The following SIGLEC9 variants were observed in gnomAD, a reference collection of about 807,000 sequenced individuals.
SIGLEC9 encodes the protein sialic acid binding Ig like lectin 9.
In SIGLEC9, 26 loss-of-function variants were observed where a neutral mutation model predicts 38.3. The ratio of observed to expected loss-of-function variants is 0.68; its 90% CI spans 0.50 to 0.94. The LOEUF (loss-of-function observed/expected upper bound fraction) is 0.94. SIGLEC9 is among the 40% of genes least tolerant of loss of function. The pLI, the probability that SIGLEC9 is intolerant of heterozygous loss-of-function variation, is 0.00. For missense variants in SIGLEC9, 556 were observed against 585.7 expected (o/e 0.95, Z 0.52); for synonymous variants, 236 against 248.0 (o/e 0.95, Z 0.45).
upstream of SIGLEC9, chr19:51,124,905 C>T (rs541784926): frequency 9.5e-5 from 146 of 1,541,062 alleles, no homozygotes; most frequent in African/African-American, 4.3e-4. Context: ...GTCTTGAGCC[C>T]GCAGTTCCTG....
chr19:51,135,473 C>A (rs958590449), intron 6 of SIGLEC9, among the ~76,000 whole-genome samples: 2 of 152,178 alleles, frequency 1.3e-5, no homozygotes, highest in Admixed American at 6.5e-5. Context: ...TCCCTTTGTA[C>A]ATGACCTGCC....
chr19:51,121,107 A>C (rs2091949323), upstream of SIGLEC9, among the ~76,000 whole-genome samples: 1 of 151,566 alleles, frequency 6.6e-6, no homozygotes, highest in Non-Finnish European at 1.5e-5. Context: ...GGCCTCCCAA[A>C]GTGTTGGGAT....
chr19:51,121,696 C>A (rs2091950600), upstream of SIGLEC9, among the ~76,000 whole-genome samples: 1 of 149,848 alleles, frequency 6.7e-6, no homozygotes, highest in Non-Finnish European at 1.5e-5. Flanking sequence ...AAGTGATTCT[C>A]CTGCCTCAGC....
At chr19:51,123,636 TG>T (rs1256063844), upstream of SIGLEC9, among the ~76,000 whole-genome samples, 1 of 152,020 alleles carries the variant, frequency 6.6e-6, no homozygotes, top group East Asian at 1.9e-4. Flanking sequence ...CAGGAGGAAG[TG>T]GGGTGTGGCT....
At chr19:51,124,307 G>T (rs2122830996), upstream of SIGLEC9, among the ~76,000 whole-genome samples, 1 of 152,140 alleles carries the variant, frequency 6.6e-6, no homozygotes, top group East Asian at 1.9e-4. Flanking sequence ...CCTCTGCTCA[G>T]TCCTCCTGAG....
At chr19:51,122,299 C>CG (rs1236444502), upstream of SIGLEC9, among the ~76,000 whole-genome samples, 3 of 151,894 alleles carry the variant, frequency 2.0e-5, no homozygotes, top group African/African-American at 4.8e-5. The surrounding 1 kb of genome is among the most constrained non-coding windows in gnomAD (Gnocchi z 4.1). Context: ...GAGCATGAGC[C>CG]GGGCCAGGCT....
chr19:51,123,867 C>T (rs2091958315), upstream of SIGLEC9, among the ~76,000 whole-genome samples: 1 of 152,216 alleles, frequency 6.6e-6, no homozygotes, highest in African/African-American at 2.4e-5. Context: ...AGCCCAGCCA[C>T]ACAGTTACAA....
rs915432613 is a variant in SIGLEC9, at chr19:51,130,223, A to G, written c.*144A>G. ...GAATTATGTGCAGAGTGAAAAGCAC[A>G]CAGGCTTTAGAGTCAAAGTATCTCA... is the stretch of plus-strand genomic sequence containing the variant. On this transcript the variant is annotated 3_prime_UTR_variant, in exon 7 of 7. Coordinates refer to ENST00000250360, the MANE Select transcript of SIGLEC9 (RefSeq NM_014441.3). 11 of 1,365,934 alleles carry G rather than the reference A, an allele frequency of 8.1e-6. No individual in the cohort carries two copies. The highest frequency in any genetic ancestry group is 1.0e-5 in the Non-Finnish European group (11 of 1,060,000). 84.6% of individuals were successfully genotyped at this position (1,365,934 alleles called of 1,614,324 possible). A position where few individuals can be genotyped will look rare whatever the true frequency, so the allele number is the denominator to read the frequency against.
intron 1 of SIGLEC9, 92 bp downstream of exon 1, chr19:51,125,487 T>G: frequency 1.9e-6 from 3 of 1,554,120 alleles, no homozygotes; most frequent in Admixed American, 3.9e-5. Flanking sequence ...GGAGAGGGCT[T>G]AGGGTGAAGC....
intron 5 of SIGLEC9, 41 bp from the exon 6 acceptor site, chr19:51,128,373 A>G: frequency 6.2e-7 from 1 of 1,605,102 alleles, no homozygotes; most frequent in Non-Finnish European, 8.5e-7. Flanking sequence ...ACCGCACCCC[A>G]ATCTGACCAC....
chr19:51,126,263 C>A (rs1208526293), intron 3 of SIGLEC9, 135 bp downstream of exon 3: 4 of 863,016 alleles, frequency 4.6e-6, no homozygotes, highest in South Asian at 1.4e-5. Flanking sequence ...CCCTCTGTAT[C>A]CTTAGGCCCC....
Position 51,127,026 on chromosome 19 carries a change from A to G in SIGLEC9, c.749-4A>G, listed in dbSNP as rs200283695. On this transcript the variant is annotated splice_region_variant and splice_polypyrimidine_tract_variant and intron_variant, in intron 3 of 6. Transcript: ENST00000250360. ...TCTCTGACCCTCTGTCTCTTTTTCTACAGTATCCACAGTCTTGGGAAATGG... is the reference window on the plus strand; with the variant it reads ...TCTCTGACCCTCTGTCTCTTTTTCTGCAGTATCCACAGTCTTGGGAAATGG... 1.3e-4 allele frequency: 209 copies of G among 1,612,978 alleles called. No individual in the cohort carries two copies. Among genetic ancestry groups the G allele is most frequent in the Non-Finnish European group, 1.7e-4 (201 of 1,179,328 alleles).
At position 51,126,927 on chromosome 19, in the gene SIGLEC9, A is replaced by G. The variant is rs561407550; in HGVS notation, c.749-103A>G. 31 of 1,006,136 alleles carry G rather than the reference A, an allele frequency of 3.1e-5. No individual in the cohort carries two copies. The Middle Eastern group carries it at 2.0e-3, about 64-fold the overall frequency. 62.3% of individuals were successfully genotyped at this position (1,006,136 alleles called of 1,614,324 possible). A position where few individuals can be genotyped will look rare whatever the true frequency, so the allele number is the denominator to read the frequency against. ...TGAAAGTGTGTGTTTCCAGAACTTC[A>G]GTCTATGTCTGTGTGTCAGTTGCTG... On this transcript the variant is annotated intron_variant, in intron 3 of 6. Transcript: ENST00000250360.
At chr19:51,132,609 G>A (rs986591723), downstream of SIGLEC9, among the ~76,000 whole-genome samples, 3 of 152,174 alleles carry the variant, frequency 2.0e-5, no homozygotes, top group Non-Finnish European at 2.9e-5. Context: ...CTTGGCGGAC[G>A]GATTCTGGGG....
chr19:51,135,347 C>T (rs2092036601), intron 6 of SIGLEC9, among the ~76,000 whole-genome samples: 1 of 152,060 alleles, frequency 6.6e-6, no homozygotes, highest in African/African-American at 2.4e-5. Flanking sequence ...CTTAGTTTGG[C>T]AGGGTATGAA....
Position 51,125,021 on chromosome 19 carries a change from A to G in SIGLEC9, c.47A>G (p.Glu16Gly). 6.2e-7 allele frequency: 1 copy of G among 1,613,208 alleles called. No homozygotes were observed. Among genetic ancestry groups the G allele is most frequent in the South Asian group, 1.1e-5 (1 of 91,022 alleles). The change falls in exon 1 of 7, where the codon GAA becomes GGA. Residue 16 changes from glutamate to glycine, a missense_variant. Physicochemically the swap from Glu to Gly is moderately conservative, Grantham distance 98 (BLOSUM62 -2). Coordinates refer to ENST00000250360, the MANE Select transcript of SIGLEC9 (RefSeq NM_014441.3). ...CTGCTCTGGGGGAGGGAGAGGGCGG[A>G]AGGACAGACAAGTAAACTGCTGACG... Reference protein sequence around the residue: ...LPLLWGRERAEGQTSKLLTMQ... With the variant: ...LPLLWGRERAGGQTSKLLTMQ...
upstream of SIGLEC9, among the ~76,000 whole-genome samples, chr19:51,123,855 C>T (rs934105325): frequency 2.0e-5 from 3 of 152,194 alleles, no homozygotes. Flanking sequence ...CCAGTTCCTC[C>T]CAGCCCAGCC....
downstream of SIGLEC9, among the ~76,000 whole-genome samples, chr19:51,130,922 C>T (rs566607870): frequency 6.6e-5 from 10 of 152,206 alleles, no homozygotes; most frequent in Non-Finnish European, 1.3e-4. Context: ...CCTCCTAGAA[C>T]GCCCTCCTCC....
In SIGLEC9 at chr19:51,128,591, C is replaced by T. The variant is rs180780889; in HGVS notation, c.1203+81C>T. The T allele has an allele frequency of 4.9e-4, 623 of 1,281,140 alleles. 1 individual carries two copies. In the African/African-American group the frequency reaches 6.8e-3, roughly 14 times the overall value. 79.4% of individuals were successfully genotyped at this position (1,281,140 alleles called of 1,614,324 possible). A position where few individuals can be genotyped will look rare whatever the true frequency, so the allele number is the denominator to read the frequency against. ...TGACCCCCAGGACTAATCAGCTGGG[C>T]GTAGCCAAAGTTACCTCCTCTCTGT... On this transcript the variant is annotated intron_variant, in intron 6 of 6. Transcript: ENST00000250360.
Sources: gnomAD v4.1 joint callset for allele counts (sites outside exome capture counted in the v4.1 genomes callset) on GRCh38, gnomAD v4.1.1 for gene constraint, Gnocchi (gnomAD v3.1) non-coding constraint, MANE v1.5 for transcripts, NCBI Gene and HGNC (gene_info 2026-07-23, HGNC 2026-07-21) for gene names.